Variants in CALCRL observed in about 807,000 individuals in gnomAD.
CALCRL encodes the protein calcitonin receptor like receptor.
A neutral mutation model predicts 60.4 loss-of-function variants in CALCRL; 27 were observed. That is an observed-to-expected ratio of 0.45 (90% CI 0.33 to 0.62). The LOEUF (loss-of-function observed/expected upper bound fraction) is 0.62. CALCRL is among the 20% of genes least tolerant of loss of function. The pLI, the probability that CALCRL is intolerant of heterozygous loss-of-function variation, is 0.03. For synonymous variants in CALCRL, 190 were observed against 182.6 expected (o/e 1.04, Z -0.33); for missense variants, 424 against 540.7 (o/e 0.78, Z 2.14).
chr2:187,386,378 A>G (rs933681406), intron 3 of CALCRL, among the ~76,000 whole-genome samples: 2 of 152,188 alleles, frequency 1.3e-5, no homozygotes, highest in African/African-American at 4.8e-5. Context: ...ACATCTATAC[A>G]TCATTAAAAT....
chr2:187,370,029 A>G (rs537035462), intron 8 of CALCRL, among the ~76,000 whole-genome samples: 1 of 152,262 alleles, frequency 6.6e-6, no homozygotes, highest in African/African-American at 2.4e-5. Flanking sequence ...TGGCTTTTTG[A>G]TTCTGAAGTT....
chr2:187,370,755 C>T (rs1687483286), intron 8 of CALCRL, among the ~76,000 whole-genome samples: 1 of 152,144 alleles, frequency 6.6e-6, no homozygotes, highest in Non-Finnish European at 1.5e-5. Context: ...ACTCTGTCTG[C>T]ATTCAAACCG....
intron 1 of CALCRL, among the ~76,000 whole-genome samples, chr2:187,418,328 T>C (rs910791594): frequency 6.6e-6 from 1 of 152,194 alleles, no homozygotes; most frequent in Admixed American, 6.5e-5. Flanking sequence ...TTTATAAAAA[T>C]AGAGCGTTCT....
At chr2:187,348,223 A>G (rs1686367648) in intron 14 of CALCRL, among the ~76,000 whole-genome samples, 1 of 151,712 alleles carries the variant, frequency 6.6e-6, no homozygotes, top group South Asian at 2.1e-4. Context: ...AGCAAACTAC[A>G]AATTGAATGG....
At chr2:187,403,454 A>G (rs1450453431) in intron 1 of CALCRL, among the ~76,000 whole-genome samples, 4 of 152,078 alleles carry the variant, frequency 2.6e-5, no homozygotes, top group Non-Finnish European at 5.9e-5. Flanking sequence ...TTTCACGCCC[A>G]TCGTCATAGG....
intron 1 of CALCRL, among the ~76,000 whole-genome samples, chr2:187,393,354 C>A (rs2105806695): frequency 6.6e-6 from 1 of 152,232 alleles, no homozygotes; most frequent in South Asian, 2.1e-4. Context: ...ATGCCGAAAC[C>A]TGAACACATT....
intron 8 of CALCRL, among the ~76,000 whole-genome samples, chr2:187,365,247 T>G (rs1416356095): frequency 2.0e-5 from 3 of 152,194 alleles, no homozygotes; most frequent in African/African-American, 7.2e-5. Context: ...ATAATGTTCT[T>G]TTCAAATCAG....
chr2:187,440,026 A>G (rs1293604456), intron 1 of CALCRL, among the ~76,000 whole-genome samples: 4 of 152,112 alleles, frequency 2.6e-5, no homozygotes, highest in African/African-American at 9.7e-5. Flanking sequence ...AAATTATTCA[A>G]ATAAATACTC....
At chr2:187,363,917 A>C (rs183399516) in intron 8 of CALCRL, among the ~76,000 whole-genome samples, 1 of 152,280 alleles carries the variant, frequency 6.6e-6, no homozygotes, top group African/African-American at 2.4e-5. Context: ...AACTTTTTTC[A>C]TTACACCATA....
chr2:187,415,539 G>A (rs1689563334), intron 1 of CALCRL: 1 of 436,628 alleles, frequency 2.3e-6, no homozygotes, highest in Non-Finnish European at 4.2e-6. Context: ...CAATGTTTGG[G>A]ACAGGAAACT....
chr2:187,446,652 T>G (rs574992217), intron 1 of CALCRL, among the ~76,000 whole-genome samples: 77 of 151,956 alleles, frequency 5.1e-4, no homozygotes, highest in African/African-American at 1.9e-3. Flanking sequence ...TCTCCCCCAT[T>G]TATATAATGG....
chr2:187,423,831 C>T (rs1355906555), intron 1 of CALCRL, among the ~76,000 whole-genome samples: 1 of 151,944 alleles, frequency 6.6e-6, no homozygotes, highest in Non-Finnish European at 1.5e-5. Flanking sequence ...ATTAGTTATA[C>T]AGTAAATGTG....
rs567608632 is a variant in CALCRL at position 187,373,610 on chromosome 2, C to T, written c.500+5330G>A. ...GGGCTAAATATTTATATTCAAACCT[C>T]GTAATGGACTAATAAGAAGTGAGAA... On this transcript the variant is annotated intron_variant, in intron 8 of 14. Transcript: ENST00000392370. 2.0e-4 allele frequency among the ~76,000 whole-genome samples: 30 copies of T among 152,220 alleles called. No homozygotes were observed. In the South Asian group the frequency reaches 4.4e-3, roughly 22 times the overall value.
At chr2:187,372,062 C>T (rs1196537925) in intron 8 of CALCRL, among the ~76,000 whole-genome samples, 1 of 151,870 alleles carries the variant, frequency 6.6e-6, no homozygotes, top group Non-Finnish European at 1.5e-5. Context: ...ATATCATTGT[C>T]TACATAGTTC....
intron 1 of CALCRL, among the ~76,000 whole-genome samples, chr2:187,438,120 T>A (rs1251521509): frequency 1.3e-5 from 2 of 152,114 alleles, no homozygotes. Flanking sequence ...AACAATAAAG[T>A]TAACACTGAA....
intron 1 of CALCRL, among the ~76,000 whole-genome samples, chr2:187,410,163 A>T (rs1434017114): frequency 6.6e-6 from 1 of 152,160 alleles, no homozygotes; most frequent in Non-Finnish European, 1.5e-5. Flanking sequence ...GTAAAGTCAG[A>T]AAATGGGGTA....
chr2:187,438,708 C>T (rs1292066632), intron 1 of CALCRL, among the ~76,000 whole-genome samples: 1 of 152,084 alleles, frequency 6.6e-6, no homozygotes, highest in Non-Finnish European at 1.5e-5. Flanking sequence ...AAGGCTTCAA[C>T]ATTTTATGTT....
intron 1 of CALCRL, among the ~76,000 whole-genome samples, chr2:187,400,917 A>G (rs1688861204): frequency 6.6e-6 from 1 of 151,578 alleles, no homozygotes; most frequent in African/African-American, 2.4e-5. Flanking sequence ...TAATGGGTAC[A>G]GGGATTTTAT....
intron 1 of CALCRL, among the ~76,000 whole-genome samples, chr2:187,392,452 T>G (rs2105804794): frequency 6.6e-6 from 1 of 152,230 alleles, no homozygotes. Context: ...TTTCCCTTAC[T>G]TATGGCATAT....
Sources: allele counts gnomAD v4.1 joint callset (sites outside exome capture counted in the v4.1 genomes callset), GRCh38; gene constraint gnomAD v4.1.1; transcripts MANE v1.5; gene names NCBI Gene and HGNC (gene_info 2026-07-23, HGNC 2026-07-21).